Variants in GRIA4 observed in about 807,000 individuals in gnomAD.
GRIA4 encodes glutamate ionotropic receptor AMPA type subunit 4, also known as glutamate receptor 4.
Under a neutral mutation model 104.0 loss-of-function variants are expected in GRIA4, and 34 were observed. The observed-to-expected ratio is 0.33, with a 90% CI of 0.25 to 0.44. The LOEUF (loss-of-function observed/expected upper bound fraction) is 0.44, where lower values mean the gene tolerates loss of function less well. Among genes scored for constraint, GRIA4 ranks in the 20% least tolerant of loss-of-function variants. The pLI, the probability that GRIA4 is intolerant of heterozygous loss-of-function variation, is 1.00. For synonymous variants in GRIA4, 386 were observed against 381.9 expected (o/e 1.01, Z -0.13); for missense variants, 750 against 1,096.5 (o/e 0.68, Z 4.46).
At chr11:105,806,292 G>A (rs1565250767) in intron 4 of GRIA4, among the ~76,000 whole-genome samples, 2 of 151,766 alleles carry the variant, frequency 1.3e-5, no homozygotes, top group Non-Finnish European at 1.5e-5. Flanking sequence ...GAGATTTCAG[G>A]TATTTAATTT....
chr11:105,860,455 A>G (rs12791620), intron 4 of GRIA4, among the ~76,000 whole-genome samples: 1 of 152,170 alleles, frequency 6.6e-6, no homozygotes, highest in African/African-American at 2.4e-5. Context: ...TTCCAGTATC[A>G]CAGGAAGAAG....
At chr11:105,720,748 A>G (rs988792377) in intron 3 of GRIA4, among the ~76,000 whole-genome samples, 7 of 152,198 alleles carry the variant, frequency 4.6e-5, no homozygotes, top group Non-Finnish European at 8.8e-5. Flanking sequence ...TGGGTTGAGT[A>G]GATAAATCTC....
At position 105,782,559 on chromosome 11, in the gene GRIA4, G is replaced by T. The variant is rs77432011; in HGVS notation, c.487+29339G>T. On this transcript the variant is annotated intron_variant, in intron 4 of 16. Transcript: ENST00000282499. ...GTTATAGAGTTCAGTTTTTAAGGTG[G>T]TTTTTTCACATTAGGCTCCACGGAA... Among the ~76,000 whole-genome samples, 325 of 152,250 alleles carry T rather than the reference G, an allele frequency of 2.1e-3. 8 individuals carry two copies. In the East Asian group the frequency reaches 0.053, roughly 25 times the overall value.
At position 105,719,456 on chromosome 11, in the gene GRIA4, A is replaced by T. The variant is rs1265730753; in HGVS notation, c.248-33525A>T. On this transcript the variant is annotated intron_variant, in intron 3 of 16. Coordinates refer to ENST00000282499, the MANE Select transcript of GRIA4 (RefSeq NM_000829.4). ...ATTTTCTGAATATTAGAAACAGGTC[A>T]TTGGAGAAATCTGAGCTGACAAAAT... Among the ~76,000 whole-genome samples the T allele has an allele frequency of 2.0e-5, 3 of 152,128 alleles. No homozygotes were observed. The South Asian group carries it at 6.2e-4, about 31-fold the overall frequency.
intron 3 of GRIA4, among the ~76,000 whole-genome samples, chr11:105,659,386 G>A (rs1051791524): frequency 6.6e-6 from 1 of 151,914 alleles, no homozygotes; most frequent in Non-Finnish European, 1.5e-5. Context: ...AAGTGTCTCT[G>A]AAGAAAACAT....
At chr11:105,891,537 A>T (rs77973643) in intron 6 of GRIA4, among the ~76,000 whole-genome samples, 261 of 152,262 alleles carry the variant, frequency 1.7e-3, no homozygotes, top group South Asian at 4.6e-3. Flanking sequence ...TCTTCAGACC[A>T]AACTAATTCC....
chr11:105,845,331 A>G (rs918038327), intron 4 of GRIA4, among the ~76,000 whole-genome samples: 5 of 152,118 alleles, frequency 3.3e-5, no homozygotes, highest in African/African-American at 1.2e-4. Flanking sequence ...AACCACCCCT[A>G]GGGGACCAGG....
chr11:105,773,452 T>G (rs1439297063), intron 4 of GRIA4, among the ~76,000 whole-genome samples: 2 of 152,176 alleles, frequency 1.3e-5, no homozygotes, highest in Non-Finnish European at 2.9e-5. Context: ...ATCCATGAAC[T>G]AATATAATAT....
At chr11:105,841,000 A>G (rs1258674429) in intron 4 of GRIA4, among the ~76,000 whole-genome samples, 4 of 152,202 alleles carry the variant, frequency 2.6e-5, no homozygotes, top group Non-Finnish European at 5.9e-5. Flanking sequence ...ATTAGCCTGT[A>G]TAGAAATGGC....
At chr11:105,806,776 A>G (rs1350846169) in intron 4 of GRIA4, among the ~76,000 whole-genome samples, 1 of 151,826 alleles carries the variant, frequency 6.6e-6, no homozygotes, top group African/African-American at 2.4e-5. Flanking sequence ...CACTTTAACG[A>G]GATAAGAGAT....
In GRIA4 at chr11:105,969,298, A is replaced by T. The variant is rs150166735; in HGVS notation, c.2295-2616A>T. Among the ~76,000 whole-genome samples, 31 of 152,346 alleles carry T rather than the reference A, an allele frequency of 2.0e-4. No homozygotes were observed. In the East Asian group the frequency reaches 5.4e-3, roughly 27 times the overall value. On this transcript the variant is annotated intron_variant, in intron 14 of 16. Coordinates refer to ENST00000282499, the MANE Select transcript of GRIA4 (RefSeq NM_000829.4). ...CAGCAGGAAAAAATGGAAAGGAAAA[A>T]AAGTTGTAGTAAACAAAAAACACTA...
intron 3 of GRIA4, among the ~76,000 whole-genome samples, chr11:105,641,327 A>G (rs745377823): frequency 1.3e-5 from 2 of 152,066 alleles, no homozygotes; most frequent in Non-Finnish European, 2.9e-5. Context: ...ATTGCATTCA[A>G]TTTTTGCCGT....
At chr11:105,738,524 G>C (rs1939100213) in intron 3 of GRIA4, among the ~76,000 whole-genome samples, 2 of 152,128 alleles carry the variant, frequency 1.3e-5, no homozygotes, top group Non-Finnish European at 2.9e-5. Flanking sequence ...TGACACTTCA[G>C]TTATTCAGGA....
chr11:105,732,197 G>C (rs1448388336), intron 3 of GRIA4, among the ~76,000 whole-genome samples: 3 of 152,144 alleles, frequency 2.0e-5, no homozygotes, highest in African/African-American at 7.2e-5. Flanking sequence ...AGACTTAAAA[G>C]AGAGTGTGGC....
intron 4 of GRIA4, among the ~76,000 whole-genome samples, chr11:105,762,537 T>G (rs1940712091): frequency 6.6e-6 from 1 of 152,142 alleles, no homozygotes; most frequent in Admixed American, 6.5e-5. Context: ...TTTTGTGTGT[T>G]TTGAGGATTT....
chr11:105,723,681 G>T, intron 3 of GRIA4, among the ~76,000 whole-genome samples: 1 of 152,000 alleles, frequency 6.6e-6, no homozygotes, highest in East Asian at 1.9e-4. Context: ...ATCATTGCTC[G>T]CTTCAACTTC....
intron 5 of GRIA4, among the ~76,000 whole-genome samples, chr11:105,885,511 G>A (rs937856152): frequency 6.6e-6 from 1 of 152,238 alleles, no homozygotes; most frequent in African/African-American, 2.4e-5. Flanking sequence ...CAAGATGACA[G>A]GCAGCTGTGA....
At chr11:105,882,203 T>A (rs1041082307) in intron 5 of GRIA4, among the ~76,000 whole-genome samples, 1 of 152,160 alleles carries the variant, frequency 6.6e-6, no homozygotes, top group African/African-American at 2.4e-5. Context: ...ATTTTCTCCA[T>A]GTCACTGAAT....
chr11:105,812,766 G>A (rs1943226447), intron 4 of GRIA4, among the ~76,000 whole-genome samples: 1 of 152,022 alleles, frequency 6.6e-6, no homozygotes, highest in Admixed American at 6.6e-5. Flanking sequence ...TATAGATTTT[G>A]GAAGGGAAGA....
Sources: gnomAD v4.1 joint callset for allele counts (sites outside exome capture counted in the v4.1 genomes callset) on GRCh38, gnomAD v4.1.1 for gene constraint, MANE v1.5 for transcripts, NCBI Gene and HGNC (gene_info 2026-07-23, HGNC 2026-07-21) for gene names.